Variants in ACYP2 observed in about 807,000 individuals in gnomAD.
The protein encoded by ACYP2 is acylphosphatase 2.
Under a neutral mutation model 11.2 loss-of-function variants are expected in ACYP2, and 12 were observed. That is an observed-to-expected ratio of 1.08 (90% CI 0.69 to 1.74). The LOEUF (loss-of-function observed/expected upper bound fraction) is 1.74, where lower values mean the gene tolerates loss of function less well. ACYP2 is among the 40% of genes most tolerant of loss of function. ACYP2 has a pLI of 0.00. For synonymous variants in ACYP2, 43 were observed against 32.2 expected (o/e 1.33, Z -1.13); for missense variants, 134 against 101.9 (o/e 1.31, Z -1.35).
intron 2 of ACYP2, among the ~76,000 whole-genome samples, chr2:53,986,548 G>C (rs1175338292): frequency 6.6e-6 from 1 of 151,772 alleles, no homozygotes; most frequent in African/African-American, 2.4e-5. Flanking sequence ...TGTTGGCCAG[G>C]CTGGTCTGGA....
intron 6 of ACYP2, among the ~76,000 whole-genome samples, chr2:54,289,523 T>C (rs186606831): frequency 2.8e-4 from 42 of 152,030 alleles, no homozygotes; most frequent in African/African-American, 9.7e-4. Context: ...ACCTTCTATT[T>C]TGTTCTATAT....
intron 2 of ACYP2, among the ~76,000 whole-genome samples, chr2:53,985,070 CTT>C (rs1178409999): frequency 1.3e-4 from 17 of 134,936 alleles, no homozygotes; most frequent in Admixed American, 2.3e-4. Context: ...TTTTTTCTTT[CTT>C]TTTTTTTTTT....
chr2:54,023,049 A>C (rs1343336522), intron 2 of ACYP2, among the ~76,000 whole-genome samples: 1 of 152,138 alleles, frequency 6.6e-6, no homozygotes, highest in African/African-American at 2.4e-5. Context: ...TTCTCTTGTT[A>C]ATCTGTCTTT....
At chr2:54,156,052 A>C (rs1682416475) in intron 6 of ACYP2, among the ~76,000 whole-genome samples, 1 of 152,142 alleles carries the variant, frequency 6.6e-6, no homozygotes, top group Admixed American at 6.6e-5. Flanking sequence ...TATGCCAGGC[A>C]CTGTTTTTGG....
chr2:54,219,829 A>G (rs200285213), intron 6 of ACYP2, among the ~76,000 whole-genome samples: 120 of 141,192 alleles, frequency 8.5e-4, no homozygotes, highest in Non-Finnish European at 1.5e-3. Flanking sequence ...GTGTGTGTGT[A>G]TATATATGTG....
At chr2:54,177,300 G>A (rs1683502498) in intron 6 of ACYP2, among the ~76,000 whole-genome samples, 3 of 152,156 alleles carry the variant, frequency 2.0e-5, no homozygotes, top group Non-Finnish European at 2.9e-5. Flanking sequence ...ACCAGGCTGT[G>A]TGTTGGAAGA....
intron 6 of ACYP2, among the ~76,000 whole-genome samples, chr2:54,185,053 G>T (rs1413936646): frequency 6.6e-6 from 1 of 152,078 alleles, no homozygotes; most frequent in Non-Finnish European, 1.5e-5. Context: ...CACCATCTTG[G>T]CCAGGCTGAT....
At chr2:53,990,953 C>A (rs998424627) in intron 2 of ACYP2, among the ~76,000 whole-genome samples, 6 of 152,046 alleles carry the variant, frequency 3.9e-5, no homozygotes, top group African/African-American at 1.4e-4. Flanking sequence ...CCCGCCACCA[C>A]GCCCGGCTAA....
At chr2:54,267,315 G>C (rs1372230941) in intron 6 of ACYP2, 1 of 1,548,294 alleles carries the variant, frequency 6.5e-7, no homozygotes, top group Non-Finnish European at 8.7e-7. Context: ...AGCTCCGGAA[G>C]CTGGGTGAAG....
At chr2:54,255,824 T>G (rs766209903) in intron 6 of ACYP2, 2 of 1,614,010 alleles carry the variant, frequency 1.2e-6, no homozygotes, top group East Asian at 2.2e-5. Flanking sequence ...TTTTTGAGGC[T>G]GCCGTCAGTT....
intron 2 of ACYP2, chr2:54,030,515 G>A (rs1430453720): frequency 3.2e-5 from 5 of 155,176 alleles, no homozygotes; most frequent in African/African-American, 1.2e-4. Flanking sequence ...GGAGTGCTAT[G>A]CAGGCCTGTC....
At chr2:53,982,466 A>C (rs555563176) in intron 2 of ACYP2, among the ~76,000 whole-genome samples, 1 of 152,192 alleles carries the variant, frequency 6.6e-6, no homozygotes, top group Non-Finnish European at 1.5e-5. Context: ...ACCTGTCCTC[A>C]AGCAGTTCAC....
chr2:54,122,280 A>G (rs1680205524), intron 4 of ACYP2, among the ~76,000 whole-genome samples: 1 of 152,332 alleles, frequency 6.6e-6, no homozygotes, highest in Non-Finnish European at 1.5e-5. Context: ...GTGTTTGTCA[A>G]TTCAAAGTAT....
At chr2:54,061,401 A>G (rs1676462949) in intron 4 of ACYP2, among the ~76,000 whole-genome samples, 2 of 152,190 alleles carry the variant, frequency 1.3e-5, no homozygotes, top group Admixed American at 1.3e-4. Context: ...CCCTCTGACC[A>G]CAGAGGTGGA....
chr2:54,299,649 T>G (rs962910016), intron 6 of ACYP2, among the ~76,000 whole-genome samples: 3 of 150,674 alleles, frequency 2.0e-5, no homozygotes, highest in Non-Finnish European at 3.0e-5. Context: ...AGCTCAGCAG[T>G]AGGGCAAAAG....
At chr2:54,162,148 G>A (rs899492228) in intron 6 of ACYP2, among the ~76,000 whole-genome samples, 6 of 152,006 alleles carry the variant, frequency 3.9e-5, no homozygotes, top group South Asian at 2.1e-4. Flanking sequence ...AGTATTTAAC[G>A]AATGGGATAA....
At chr2:54,151,924 C>A (rs530544536) in intron 6 of ACYP2, among the ~76,000 whole-genome samples, 25 of 152,056 alleles carry the variant, frequency 1.6e-4, no homozygotes, top group African/African-American at 6.0e-4. Context: ...TTTAGAGCAG[C>A]TTTAGGTTTG....
chr2:54,115,901 G>T (rs1679754231), intron 4 of ACYP2, 145 bp downstream of exon 1: 6 of 1,123,252 alleles, frequency 5.3e-6, no homozygotes, highest in Non-Finnish European at 7.2e-6. Context: ...CGGCGGCGGG[G>T]AGGGAGGCGA....
chr2:54,249,958 A>G (rs976963215), intron 6 of ACYP2, among the ~76,000 whole-genome samples: 160 of 151,216 alleles, frequency 1.1e-3, no homozygotes, highest in Non-Finnish European at 2.1e-3. Flanking sequence ...AAAAAAAAAA[A>G]AAAAAAAAGA....
Sources: gnomAD v4.1 joint callset for allele counts (sites outside exome capture counted in the v4.1 genomes callset) on GRCh38, gnomAD v4.1.1 for gene constraint, MANE v1.5 for transcripts, NCBI Gene and HGNC (gene_info 2026-07-23, HGNC 2026-07-21) for gene names.